CEP63: variants seen among roughly 807,000 people sequenced by gnomAD.
The protein encoded by CEP63 is centrosomal protein 63.
In CEP63, 84 loss-of-function variants were observed where a neutral mutation model predicts 89.1. The observed-to-expected ratio is 0.94, with a 90% CI of 0.79 to 1.13. CEP63 has a LOEUF of 1.13. Ranked by LOEUF, CEP63 falls within the 50% of genes most tolerant of loss-of-function variation. The pLI, the probability that CEP63 is intolerant of heterozygous loss-of-function variation, is 0.00. For synonymous variants in CEP63, 267 were observed against 272.5 expected, an observed-to-expected ratio of 0.98 and a Z score of 0.20; for missense variants, 838 against 813.3, an observed-to-expected ratio of 1.03 and a Z score of -0.37.
At chr3:134,515,068 G>T (rs1438128716) in intron 3 of CEP63, among the ~76,000 whole-genome samples, 1 of 152,152 alleles carries the variant, frequency 6.6e-6, no homozygotes, top group South Asian at 2.1e-4. Context: ...GGTGGCAATG[G>T]TGTTATATTT....
At chr3:134,713,789 G>A in the CEP63 span, among the ~76,000 whole-genome samples, 1 of 152,202 alleles carries the variant, frequency 6.6e-6, no homozygotes, top group African/African-American at 2.4e-5. Context: ...GGTGAACTTG[G>A]TGAGCTACTT....
At chr3:134,585,274 G>T (rs867721646) in intron 10 of CEP63, among the ~76,000 whole-genome samples, 5 of 151,942 alleles carry the variant, frequency 3.3e-5, no homozygotes, top group Admixed American at 6.6e-5. Flanking sequence ...TTTTAATTGT[G>T]ATGTTAGGGT....
chr3:134,573,602 T>C (rs1192947451), intron 11 of CEP63, among the ~76,000 whole-genome samples: 5 of 152,204 alleles, frequency 3.3e-5, no homozygotes, highest in Non-Finnish European at 7.3e-5. Context: ...TCTATTCCAT[T>C]GGTCTATGTG....
At chr3:134,708,315 C>A in the CEP63 span, among the ~76,000 whole-genome samples, 1 of 152,202 alleles carries the variant, frequency 6.6e-6, no homozygotes, top group South Asian at 2.1e-4. Flanking sequence ...AACAATAATG[C>A]TTTGCCTGGC....
chr3:134,671,634 T>C, the CEP63 span, among the ~76,000 whole-genome samples: 1 of 152,194 alleles, frequency 6.6e-6, no homozygotes, highest in African/African-American at 2.4e-5. Flanking sequence ...AAATAATAAA[T>C]GTGCAAAGAC....
chr3:134,745,881 A>G, the CEP63 span, among the ~76,000 whole-genome samples: 1 of 149,866 alleles, frequency 6.7e-6, no homozygotes, highest in Non-Finnish European at 1.5e-5. Flanking sequence ...TTATGGCTGC[A>G]TAGTATTCCA....
chr3:134,747,462 A>G, the CEP63 span, among the ~76,000 whole-genome samples: 1 of 152,306 alleles, frequency 6.6e-6, no homozygotes, highest in Non-Finnish European at 1.5e-5. Context: ...GGCCATAGCA[A>G]TGTTCTATGG....
At chr3:134,712,091 G>A in the CEP63 span, among the ~76,000 whole-genome samples, 1 of 152,096 alleles carries the variant, frequency 6.6e-6, no homozygotes, top group Admixed American at 6.5e-5. Context: ...TGTGACTTTT[G>A]TTTGTTTCTC....
chr3:134,565,752 A>G (rs1383449958), downstream of CEP63, among the ~76,000 whole-genome samples: 4 of 152,078 alleles, frequency 2.6e-5, no homozygotes, highest in Non-Finnish European at 5.9e-5. Context: ...ACATTTACCT[A>G]AAAGTTTTAT....
chr3:134,558,477 G>T (rs1956706974), intron 13 of CEP63, 130 bp downstream of exon 13: 2 of 708,984 alleles, frequency 2.8e-6, no homozygotes, highest in Non-Finnish European at 4.9e-6. Context: ...CTGAAGTATA[G>T]TGTGCACAAG....
chr3:134,506,612 TA>T (rs1943512406), intron 2 of CEP63, among the ~76,000 whole-genome samples: 1 of 152,154 alleles, frequency 6.6e-6, no homozygotes, highest in African/African-American at 2.4e-5. Context: ...ATCATCTTAA[TA>T]TGAGCATTAA....
intron 5 of CEP63, among the ~76,000 whole-genome samples, chr3:134,533,830 A>G (rs1276472718): frequency 1.3e-5 from 2 of 152,204 alleles, no homozygotes; most frequent in African/African-American, 4.8e-5. Flanking sequence ...TCACCCACAA[A>G]TGCCAGTATA....
chr3:134,667,578 G>A, the CEP63 span, among the ~76,000 whole-genome samples: 1 of 152,210 alleles, frequency 6.6e-6, no homozygotes, highest in Admixed American at 6.5e-5. Context: ...TTCACCCGGG[G>A]GAAGACATTA....
chr3:134,730,459 C>T, the CEP63 span, among the ~76,000 whole-genome samples: 1 of 152,032 alleles, frequency 6.6e-6, no homozygotes, highest in Non-Finnish European at 1.5e-5. Context: ...ATTAAACTAT[C>T]TCCAAACAAT....
At chr3:134,632,239 G>T in the CEP63 span, among the ~76,000 whole-genome samples, 34 of 152,048 alleles carry the variant, frequency 2.2e-4, no homozygotes, top group African/African-American at 8.2e-4. Flanking sequence ...ATATATAGAA[G>T]AAATGAACTA....
At chr3:134,509,184 A>G (rs1944258446) in intron 3 of CEP63, among the ~76,000 whole-genome samples, 4 of 152,210 alleles carry the variant, frequency 2.6e-5, no homozygotes, top group Admixed American at 2.6e-4. Flanking sequence ...CTGTAGAAAC[A>G]TAGTTGCTTC....
At chr3:134,492,424 C>A (rs1359088211) in intron 1 of CEP63, among the ~76,000 whole-genome samples, 2 of 152,128 alleles carry the variant, frequency 1.3e-5, no homozygotes, top group Non-Finnish European at 2.9e-5. Flanking sequence ...GACAAACATC[C>A]ACAGAAAATC....
the CEP63 span, chr3:134,619,056 C>T: frequency 9.6e-7 from 1 of 1,043,064 alleles, no homozygotes; most frequent in Non-Finnish European, 1.5e-6. Context: ...ACTCAGGTTT[C>T]AGGCCTGGCA....
At chr3:134,664,101 C>G in the CEP63 span, among the ~76,000 whole-genome samples, 1 of 152,118 alleles carries the variant, frequency 6.6e-6, no homozygotes, top group Non-Finnish European at 1.5e-5. Flanking sequence ...CTGCTCTGGC[C>G]TCCTCCGGCA....
Sources: gnomAD v4.1 joint callset for allele counts (sites outside exome capture counted in the v4.1 genomes callset) on GRCh38, gnomAD v4.1.1 for gene constraint, MANE v1.5 for transcripts, NCBI Gene and HGNC (gene_info 2026-07-23, HGNC 2026-07-21) for gene names.